Variants in GPR176 observed in about 807,000 individuals in gnomAD.
The protein encoded by GPR176 is G protein-coupled receptor 176.
In GPR176, 26 loss-of-function variants were observed where a neutral mutation model predicts 35.4. The ratio of observed to expected loss-of-function variants is 0.74; its 90% CI spans 0.54 to 1.02. The LOEUF (loss-of-function observed/expected upper bound fraction) is 1.02, where lower values mean the gene tolerates loss of function less well. Among genes scored for constraint, GPR176 ranks in the 50% least tolerant of loss-of-function variants. The probability of loss-of-function intolerance (pLI) is 0.00; values close to 1 mark genes in which losing one functional copy is unlikely to be tolerated. For synonymous variants in GPR176, 278 were observed against 271.3 expected, an observed-to-expected ratio of 1.02 and a Z score of -0.24; for missense variants, 597 against 665.3, an observed-to-expected ratio of 0.90 and a Z score of 1.13.
At chr15:39,851,594 C>T (rs1005510426) in intron 1 of GPR176, among the ~76,000 whole-genome samples, 3 of 152,176 alleles carry the variant, frequency 2.0e-5, no homozygotes, top group African/African-American at 2.4e-5. Context: ...TAAATGAACA[C>T]ATCCAGAACT....
intron 1 of GPR176, among the ~76,000 whole-genome samples, chr15:39,845,592 G>A (rs149777389): frequency 2.6e-5 from 4 of 152,080 alleles, no homozygotes; most frequent in African/African-American, 9.6e-5. Flanking sequence ...GTAAAACTGG[G>A]CTTTGGGATC....
intron 1 of GPR176, among the ~76,000 whole-genome samples, chr15:39,861,390 A>G (rs766263685): frequency 6.6e-6 from 1 of 152,014 alleles, no homozygotes; most frequent in African/African-American, 2.4e-5. Context: ...TCTCCACTAA[A>G]AATACAAAAA....
At chr15:39,889,854 G>C (rs1167293895) in intron 1 of GPR176, among the ~76,000 whole-genome samples, 3 of 152,244 alleles carry the variant, frequency 2.0e-5, no homozygotes, top group East Asian at 3.9e-4. Context: ...AGAAAACACA[G>C]AGAAAAGCTA....
chr15:39,867,026 G>A (rs74475069), intron 1 of GPR176, among the ~76,000 whole-genome samples: 1 of 152,090 alleles, frequency 6.6e-6, no homozygotes, highest in African/African-American at 2.4e-5. Context: ...AGGAGAAAGA[G>A]AATTCATATG....
Position 39,807,022 on chromosome 15 carries a change from C to CA in GPR176, c.408dup (p.Ala137CysfsTer20). 1 of 1,612,798 alleles carries CA rather than the reference C, an allele frequency of 6.2e-7. No individual in the cohort carries two copies. Among genetic ancestry groups the CA allele is most frequent in the Non-Finnish European group, 8.5e-7 (1 of 1,179,488 alleles). ...TGATCTTACCTGTCCAAAGCAATAG[C>CA]AGGGAAGCTGAGGATGGTCACAGAG... On this transcript the variant is annotated frameshift_variant, in exon 2 of 3. Coordinates refer to ENST00000561100, the MANE Select transcript of GPR176 (RefSeq NM_007223.3). LOFTEE classifies it high-confidence loss of function.
chr15:39,849,165 G>A (rs1166236047), intron 1 of GPR176, among the ~76,000 whole-genome samples: 1 of 152,058 alleles, frequency 6.6e-6, no homozygotes, highest in Non-Finnish European at 1.5e-5. Context: ...CAGACATCAA[G>A]AGCATAATAA....
chr15:39,917,479 G>A (rs765692773), intron 1 of GPR176, among the ~76,000 whole-genome samples: 8 of 150,838 alleles, frequency 5.3e-5, no homozygotes, highest in African/African-American at 1.5e-4. Context: ...GGGATTACAC[G>A]TGCATGCCAC....
At chr15:39,827,876 G>A (rs1004886084) in intron 1 of GPR176, among the ~76,000 whole-genome samples, 3 of 152,198 alleles carry the variant, frequency 2.0e-5, no homozygotes, top group African/African-American at 7.2e-5. Flanking sequence ...AAGGGTTGTT[G>A]ACAGTGACTC....
At chr15:39,892,139 T>C (rs183362344) in intron 1 of GPR176, among the ~76,000 whole-genome samples, 5 of 152,292 alleles carry the variant, frequency 3.3e-5, no homozygotes, top group Admixed American at 2.6e-4. Context: ...AAGCACCCCA[T>C]CCTTAGGAAT....
At chr15:39,910,487 G>C (rs143334954) in intron 1 of GPR176, among the ~76,000 whole-genome samples, 4 of 151,966 alleles carry the variant, frequency 2.6e-5, no homozygotes, top group Non-Finnish European at 4.4e-5. Flanking sequence ...GAACCTTGGA[G>C]GGGGAGGTTG....
At position 39,920,172 on chromosome 15, in the gene GPR176, C is replaced by T. The variant is rs1219668935; in HGVS notation, c.-146G>A. On this transcript the variant is annotated 5_prime_UTR_variant, in exon 1 of 3. The change creates a new upstream start codon in the 5' untranslated region. Transcript: ENST00000561100. ...GCCGACGGGTCCCCTCACGTCTCCA[C>T]ATCGCCAACCCCGGCGCCCGGGAGG... 2 of 487,172 alleles carry T rather than the reference C, an allele frequency of 4.1e-6. No homozygotes were observed. Among genetic ancestry groups the T allele is most frequent in the Non-Finnish European group, 6.6e-6 (2 of 304,956 alleles). The allele number at this position is 487,172 out of a possible 1,614,324, so 30.2% of individuals were successfully genotyped here.
chr15:39,803,686 C>T lies in GPR176; in HGVS notation c.426-1432G>A, dbSNP rs574789518. Among the ~76,000 whole-genome samples the T allele has an allele frequency of 3.3e-5, 5 of 152,188 alleles. No individual in the cohort carries two copies. In the East Asian group the frequency reaches 9.7e-4, roughly 29 times the overall value. On this transcript the variant is annotated intron_variant, in intron 2 of 2. Coordinates refer to ENST00000561100, the MANE Select transcript of GPR176 (RefSeq NM_007223.3). ...GGAATGTCTCTAAACCCAACGGGGACAAAGATACACACACTAATAATTACG... is the reference window on the plus strand; with the variant it reads ...GGAATGTCTCTAAACCCAACGGGGATAAAGATACACACACTAATAATTACG...
chr15:39,903,296 G>A (rs2033330870), intron 1 of GPR176, among the ~76,000 whole-genome samples: 1 of 152,090 alleles, frequency 6.6e-6, no homozygotes, highest in African/African-American at 2.4e-5. Context: ...TTTGGAGAAG[G>A]CACGATGACC....
intron 1 of GPR176, among the ~76,000 whole-genome samples, chr15:39,836,717 T>C (rs1280422383): frequency 1.3e-5 from 2 of 152,112 alleles, no homozygotes; most frequent in Non-Finnish European, 2.9e-5. Context: ...CATAAATTTG[T>C]TCTAAGAGAA....
intron 1 of GPR176, chr15:39,815,371 T>A (rs1283698879): frequency 6.6e-6 from 1 of 152,262 alleles, no homozygotes; most frequent in African/African-American, 2.4e-5. Flanking sequence ...CAGAATCACA[T>A]CAGATTGTCT....
intron 1 of GPR176, among the ~76,000 whole-genome samples, chr15:39,901,341 A>T (rs547026747): frequency 2.0e-4 from 30 of 152,348 alleles, no homozygotes; most frequent in Middle Eastern, 3.4e-3. Flanking sequence ...TCTTAGGTAT[A>T]AAATTTTTAG....
intron 1 of GPR176, among the ~76,000 whole-genome samples, chr15:39,878,286 C>T (rs2140846122): frequency 6.6e-6 from 1 of 152,222 alleles, no homozygotes; most frequent in Admixed American, 6.5e-5. Context: ...CCCCATTTCT[C>T]CCACCCCTGA....
chr15:39,844,635 T>C (rs1480880149), intron 1 of GPR176, among the ~76,000 whole-genome samples: 2 of 151,728 alleles, frequency 1.3e-5, no homozygotes, highest in Non-Finnish European at 1.5e-5. Context: ...CAAGAACCTA[T>C]AGGCTACATA....
chr15:39,914,488 A>AT (rs981754174), intron 1 of GPR176, among the ~76,000 whole-genome samples: 4 of 151,586 alleles, frequency 2.6e-5, no homozygotes, highest in Admixed American at 6.6e-5. Flanking sequence ...TAATTTTTGT[A>AT]TTTTTTACTA....
Sources: allele counts gnomAD v4.1 joint callset (sites outside exome capture counted in the v4.1 genomes callset), GRCh38; gene constraint gnomAD v4.1.1; transcripts MANE v1.5; gene names NCBI Gene and HGNC (gene_info 2026-07-23, HGNC 2026-07-21).